LRRC40: variants seen among roughly 807,000 people sequenced by gnomAD.
LRRC40 encodes the protein leucine-rich repeat-containing protein 40.
Under a neutral mutation model 72.8 loss-of-function variants are expected in LRRC40, and 76 were observed. The observed-to-expected ratio is 1.04, with a 90% confidence interval of 0.87 to 1.26. The LOEUF (loss-of-function observed/expected upper bound fraction) is 1.26. Among genes scored for constraint, LRRC40 ranks in the 50% most tolerant of loss-of-function variants. LRRC40 has a pLI of 0.00. For missense variants in LRRC40, 684 were observed against 698.9 expected (o/e 0.98, Z 0.24); for synonymous variants, 243 against 254.2 (o/e 0.96, Z 0.42).
chr1:70,170,653 G>C (rs1302170945), intron 9 of LRRC40, among the ~76,000 whole-genome samples: 4 of 152,092 alleles, frequency 2.6e-5, no homozygotes, highest in Admixed American at 2.6e-4. Flanking sequence ...GGAATAAAAT[G>C]CTTAGAAATA....
At chr1:70,165,837 C>T (rs1250953755) in intron 9 of LRRC40, among the ~76,000 whole-genome samples, 4 of 152,064 alleles carry the variant, frequency 2.6e-5, no homozygotes, top group South Asian at 2.1e-4. Flanking sequence ...GGCCTGGGCA[C>T]GTAGTTTTTA....
In LRRC40 at chr1:70,188,462, G is replaced by A. The variant is rs541579721; in HGVS notation, c.333+630C>T. ...TAAAAATTGTAACAATAGGCCAGGT[G>A]CAGTAGCTCACGCCTGTAATCCCAG... On this transcript the variant is annotated intron_variant, in intron 2 of 14. Coordinates refer to ENST00000370952, the MANE Select transcript of LRRC40 (RefSeq NM_017768.5). Among the ~76,000 whole-genome samples the A allele has an allele frequency of 3.3e-5, 5 of 152,272 alleles. No homozygotes were observed. The East Asian group carries it at 9.6e-4, about 29-fold the overall frequency.
intron 13 of LRRC40, among the ~76,000 whole-genome samples, chr1:70,150,082 C>A (rs1667434503): frequency 3.9e-5 from 6 of 151,966 alleles, no homozygotes; most frequent in African/African-American, 1.5e-4. Flanking sequence ...CCACGCCTGG[C>A]TAATTTTTGT....
chr1:70,184,483 AT>A (rs1208099039), intron 4 of LRRC40, among the ~76,000 whole-genome samples: 1 of 151,984 alleles, frequency 6.6e-6, no homozygotes, highest in Non-Finnish European at 1.5e-5. Context: ...GAATTGGTAT[AT>A]GCTAAAGACA....
chr1:70,161,778 C>G (rs774996881), intron 9 of LRRC40, among the ~76,000 whole-genome samples: 1 of 152,086 alleles, frequency 6.6e-6, no homozygotes, highest in Non-Finnish European at 1.5e-5. Context: ...GAGTAAAAAA[C>G]TAGAGTCCAT....
At chr1:70,191,369 T>C in intron 1 of LRRC40, among the ~76,000 whole-genome samples, 1 of 152,128 alleles carries the variant, frequency 6.6e-6, no homozygotes, top group East Asian at 1.9e-4. Context: ...ATGTCTTTTT[T>C]TGGATGGAGA....
intron 9 of LRRC40, among the ~76,000 whole-genome samples, chr1:70,168,275 C>G (rs777417156): frequency 3.3e-5 from 5 of 152,174 alleles, no homozygotes; most frequent in Non-Finnish European, 7.3e-5. Flanking sequence ...GGAGGCTCTA[C>G]CTTGAGCTTG....
chr1:70,172,481 T>C (rs1302691953), intron 9 of LRRC40, among the ~76,000 whole-genome samples: 1 of 152,174 alleles, frequency 6.6e-6, no homozygotes, highest in African/African-American at 2.4e-5. Flanking sequence ...CTCCCATCTT[T>C]GGATAGAAGC....
Position 70,167,684 on chromosome 1 carries a change from G to A in LRRC40, c.1111+5781C>T, listed in dbSNP as rs767922003. 4.6e-5 allele frequency among the ~76,000 whole-genome samples: 7 copies of A among 151,960 alleles called. No homozygotes were observed. The South Asian group carries it at 6.2e-4, about 14-fold the overall frequency. ...GGCTGGAGTGCAGTGGCACAATCTC[G>A]GCTCACTGTAGCCTCCACCTTCCAG... is the stretch of plus-strand genomic sequence containing the variant. On this transcript the variant is annotated intron_variant, in intron 9 of 14. Coordinates refer to ENST00000370952, the MANE Select transcript of LRRC40 (RefSeq NM_017768.5).
At chr1:70,192,038 G>T (rs1285114860) in intron 1 of LRRC40, among the ~76,000 whole-genome samples, 2 of 152,112 alleles carry the variant, frequency 1.3e-5, no homozygotes, top group African/African-American at 4.8e-5. Flanking sequence ...GAATAGCACT[G>T]AATCTGTAAG....
At chr1:70,199,619 T>G (rs1668693578) in intron 1 of LRRC40, among the ~76,000 whole-genome samples, 1 of 152,166 alleles carries the variant, frequency 6.6e-6, no homozygotes, top group Non-Finnish European at 1.5e-5. Flanking sequence ...AGTAAATATA[T>G]TTTCTCTTCC....
chr1:70,201,906 G>A (rs1412593805), intron 1 of LRRC40, among the ~76,000 whole-genome samples: 1 of 152,160 alleles, frequency 6.6e-6, no homozygotes, highest in African/African-American at 2.4e-5. Flanking sequence ...GAACCTGGGA[G>A]GCAGAGGTTG....
chr1:70,173,670 CA>C lies in LRRC40; in HGVS notation c.1016del (p.Leu339TrpfsTer3). 7 of 1,567,662 alleles carry C rather than the reference CA, an allele frequency of 4.5e-6. No individual in the cohort carries two copies. The highest frequency in any genetic ancestry group is 2.3e-5 in the East Asian group (1 of 44,036). On this transcript the variant is annotated frameshift_variant, in exon 8 of 15. Coordinates refer to ENST00000370952, the MANE Select transcript of LRRC40 (RefSeq NM_017768.5). LOFTEE classifies it high-confidence loss of function. Reference protein sequence around the residue: ...YSLGNLHLKFLALEGNPLRTI... With the variant: ...YSLGNLHLKFXALEGNPLRTI... ...TTCTCAAAGGATTTCCTTCTAATGC[CA>C]AAAATTTCAAATGAAGGTTCCCCAA...
At chr1:70,151,550 C>G (rs1331296007) in intron 12 of LRRC40, among the ~76,000 whole-genome samples, 1 of 151,908 alleles carries the variant, frequency 6.6e-6, no homozygotes, top group Non-Finnish European at 1.5e-5. Flanking sequence ...ATAAATATTC[C>G]ATTGGTGTTA....
chr1:70,186,462 C>T (rs1326881988), intron 3 of LRRC40, among the ~76,000 whole-genome samples: 2 of 152,116 alleles, frequency 1.3e-5, no homozygotes, highest in Non-Finnish European at 2.9e-5. Context: ...ATGTTTTCCA[C>T]CAAATAAGGA....
chr1:70,171,646 C>A (rs2100282773), intron 9 of LRRC40, among the ~76,000 whole-genome samples: 1 of 152,160 alleles, frequency 6.6e-6, no homozygotes, highest in East Asian at 1.9e-4. Context: ...CCATTTCAGA[C>A]CCAACAAGAT....
chr1:70,172,746 C>G (rs1391118843), intron 9 of LRRC40, among the ~76,000 whole-genome samples: 1 of 152,126 alleles, frequency 6.6e-6, no homozygotes, highest in Non-Finnish European at 1.5e-5. Context: ...AATTATCTTA[C>G]TCATTTAATA....
At position 70,175,884 on chromosome 1, in the gene LRRC40, T is replaced by G; in HGVS notation, c.903A>C (p.Leu301Phe). ...GTATAATTTCATCTGGAACAGATTT[T>G]AACTTGTTATCCCTCAGGTCTAGCA... The part of the protein sequence containing the change: ...ILVLDLRDNK[L>F]KSVPDEIILL... Residue 301 changes from leucine to phenylalanine, a missense_variant, in exon 7 of 15, where the codon TTA (leucine) becomes TTC (phenylalanine). By Grantham distance (22) the Leu-to-Phe change is conservative. Coordinates refer to ENST00000370952, the MANE Select transcript of LRRC40 (RefSeq NM_017768.5). 1 of 1,604,132 alleles carries G rather than the reference T, an allele frequency of 6.2e-7. No individual in the cohort carries two copies. Among genetic ancestry groups the G allele is most frequent in the Non-Finnish European group, 8.5e-7 (1 of 1,176,368 alleles).
intron 3 of LRRC40, among the ~76,000 whole-genome samples, chr1:70,186,037 G>A (rs896780813): frequency 6.6e-6 from 1 of 152,120 alleles, no homozygotes; most frequent in Non-Finnish European, 1.5e-5. Context: ...GACAAAAAAA[G>A]TCAAATGATG....
Sources: gnomAD v4.1 joint callset for allele counts (sites outside exome capture counted in the v4.1 genomes callset) on GRCh38, gnomAD v4.1.1 for gene constraint, MANE v1.5 for transcripts, NCBI Gene and HGNC (gene_info 2026-07-23, HGNC 2026-07-21) for gene names.